Variants in NFATC3 observed in about 807,000 individuals in gnomAD.
NFATC3 encodes the protein nuclear factor of activated T cells 3, also known as nuclear factor of activated T-cells, cytoplasmic 3.
NFATC3 carries 46 observed loss-of-function variants against 98.6 expected under a neutral mutation model. That is an observed-to-expected ratio of 0.47 (90% confidence interval 0.37 to 0.60). The LOEUF (loss-of-function observed/expected upper bound fraction) is 0.60. NFATC3 is among the 20% of genes least tolerant of loss of function. NFATC3 has a pLI of 0.00. For missense variants in NFATC3, 1,256 were observed against 1,295.5 expected (o/e 0.97, Z 0.47); for synonymous variants, 512 against 472.2 (o/e 1.08, Z -1.09).
chr16:68,135,594 GGAA>G (rs1345017344), intron 3 of NFATC3, among the ~76,000 whole-genome samples: 1 of 151,598 alleles, frequency 6.6e-6, no homozygotes, highest in African/African-American at 2.4e-5. Context: ...ATCTAAATAT[GGAA>G]GAACTGTCTG....
At chr16:68,222,884 C>G (rs566796115) in intron 9 of NFATC3, among the ~76,000 whole-genome samples, 2 of 152,292 alleles carry the variant, frequency 1.3e-5, no homozygotes, top group South Asian at 4.1e-4. Flanking sequence ...TGTGCTCCCT[C>G]TTAGCACAAG....
chr16:68,123,153 T>G, intron 2 of NFATC3, 32 bp downstream of exon 2: 1 of 1,566,944 alleles, frequency 6.4e-7, no homozygotes, highest in Non-Finnish European at 8.6e-7. Flanking sequence ...CTGGTCATTT[T>G]TCATGTTTAT....
At position 68,122,376 on chromosome 16, in the gene NFATC3, A is replaced by G; in HGVS notation, c.493A>G (p.Ser165Gly). 1 of 1,614,068 alleles carries G rather than the reference A, an allele frequency of 6.2e-7. No individual in the cohort carries two copies. Among genetic ancestry groups the G allele is most frequent in the South Asian group, 1.1e-5 (1 of 91,076 alleles). Residue 165 changes from serine (S) to glycine (G), a missense_variant, in exon 2 of 10, where the codon AGT becomes GGT. This residue lies in a region of NFATC3 where 464 missense variants were observed against 465.7 expected (regional missense o/e 1.00). Transcript: ENST00000346183. ...PSYRESSLSP[S>G]PASSISSRSW... Reference sequence around the variant, plus strand: ...CTACCGGGAGTCTTCTCTTAGTCCTAGTCCTGCCAGCAGCATCTCTTCTAG... The same window carrying G: ...CTACCGGGAGTCTTCTCTTAGTCCTGGTCCTGCCAGCAGCATCTCTTCTAG...
At chr16:68,125,402 T>C (rs1375670246) in intron 2 of NFATC3, among the ~76,000 whole-genome samples, 1 of 152,210 alleles carries the variant, frequency 6.6e-6, no homozygotes, top group Non-Finnish European at 1.5e-5. Flanking sequence ...GCAATTTAAA[T>C]TGTCTTACTG....
At chr16:68,135,688 T>C (rs1416362115) in intron 3 of NFATC3, among the ~76,000 whole-genome samples, 6 of 152,288 alleles carry the variant, frequency 3.9e-5, no homozygotes, top group Middle Eastern at 6.8e-3. Flanking sequence ...AAGAGACTTT[T>C]GTAGGTCTTA....
chr16:68,204,488 A>G (rs1042779044), intron 9 of NFATC3, among the ~76,000 whole-genome samples: 1 of 152,212 alleles, frequency 6.6e-6, no homozygotes, highest in African/African-American at 2.4e-5. Flanking sequence ...TGAAATGTGA[A>G]TTATTAGTCT....
intron 1 of NFATC3, among the ~76,000 whole-genome samples, chr16:68,120,938 A>G (rs1475663635): frequency 6.6e-6 from 1 of 152,176 alleles, no homozygotes; most frequent in African/African-American, 2.4e-5. Flanking sequence ...AATTCTTAAC[A>G]CAGACTTTTT....
chr16:68,123,816 C>A (rs2036678808), intron 2 of NFATC3, among the ~76,000 whole-genome samples: 1 of 135,078 alleles, frequency 7.4e-6, no homozygotes, highest in South Asian at 2.4e-4. Context: ...AAAACCGTGT[C>A]TCTACAAAAA....
At chr16:68,137,062 G>A (rs1028705601) in intron 3 of NFATC3, among the ~76,000 whole-genome samples, 3 of 152,052 alleles carry the variant, frequency 2.0e-5, no homozygotes, top group Non-Finnish European at 2.9e-5. Flanking sequence ...TCTAAGCACA[G>A]TACTCTTAGG....
intron 9 of NFATC3, among the ~76,000 whole-genome samples, chr16:68,214,984 A>G (rs1415075142): frequency 6.6e-6 from 1 of 152,186 alleles, no homozygotes; most frequent in Non-Finnish European, 1.5e-5. Context: ...CTCAGCAGCC[A>G]AGGAGGAACG....
chr16:68,122,970 G>A lies in NFATC3; in HGVS notation c.1087G>A (p.Gly363Arg). The A allele has an allele frequency of 6.2e-7, 1 of 1,614,142 alleles. No homozygotes were observed. The highest frequency in any genetic ancestry group is 8.5e-7 in the Non-Finnish European group (1 of 1,180,024). Residue 363 changes from glycine to arginine, a missense_variant, in exon 2 of 10, where the codon GGG becomes AGG. Physicochemically the swap from Gly to Arg is moderately radical, Grantham distance 125. This residue lies in a region of NFATC3 where 464 missense variants were observed against 465.7 expected (regional missense o/e 1.00). Coordinates refer to ENST00000346183, the MANE Select transcript of NFATC3 (RefSeq NM_173165.3). ...GKLELCSDDQ[G>R]SLSPARETSI... is the part of the protein sequence containing the mutation. The stretch of plus-strand genomic sequence containing the variant: ...ATTAGAGCTGTGTTCAGATGACCAA[G>A]GGAGTTTATCACCAGCCCGGGAGAC...
At chr16:68,148,454 C>A (rs2038151195) in intron 3 of NFATC3, among the ~76,000 whole-genome samples, 1 of 152,040 alleles carries the variant, frequency 6.6e-6, no homozygotes, top group African/African-American at 2.4e-5. Flanking sequence ...TGATAGATTT[C>A]TTGACTACAT....
intron 8 of NFATC3, among the ~76,000 whole-genome samples, chr16:68,183,884 G>A (rs1386955536): frequency 6.6e-6 from 1 of 151,614 alleles, no homozygotes; most frequent in Non-Finnish European, 1.5e-5. Flanking sequence ...GTGCATTCCT[G>A]TCGTCCCAGC....
At chr16:68,151,410 T>G (rs1457009101) in intron 3 of NFATC3, among the ~76,000 whole-genome samples, 1 of 152,144 alleles carries the variant, frequency 6.6e-6, no homozygotes, top group Non-Finnish European at 1.5e-5. Flanking sequence ...AATGACATGA[T>G]TTTTTGAAAT....
At chr16:68,221,663 T>C (rs944421603) in intron 9 of NFATC3, 56 of 826,866 alleles carry the variant, frequency 6.8e-5, no homozygotes, top group Non-Finnish European at 7.8e-5. Flanking sequence ...TAGTATAATG[T>C]ATAGTTGAGT....
At chr16:68,200,925 AG>A (rs1283539496) in intron 9 of NFATC3, 1 of 152,094 alleles carries the variant, frequency 6.6e-6, no homozygotes, top group Non-Finnish European at 1.5e-5. Context: ...GAAACTGTCA[AG>A]CTGTTTTTCA....
Position 68,184,020 on chromosome 16 carries a change from A to G in NFATC3, c.2098+654A>G, listed in dbSNP as rs928885948. Among the ~76,000 whole-genome samples, 147 of 151,952 alleles carry G rather than the reference A, an allele frequency of 9.7e-4. 1 individual carries two copies. The highest frequency in any genetic ancestry group is 3.4e-3 in the African/African-American group (140 of 41,472). On this transcript the variant is annotated intron_variant, in intron 8 of 9. Transcript: ENST00000346183. The stretch of plus-strand genomic sequence containing the variant: ...ACTCCGTCACAAAAAAAAAAAAAAA[A>G]AAAAAGAAATGAGCTTTAACAGAAA...
chr16:68,112,646 G>GTTTTTTTTTTTTTTTTT (rs914607835), intron 1 of NFATC3, among the ~76,000 whole-genome samples: 2 of 97,644 alleles, frequency 2.0e-5, no homozygotes, highest in Non-Finnish European at 3.8e-5. Context: ...TTTCTTTTTC[G>GTTTTTTTTTTTTTTTTT]TTTTTTTTTT....
At chr16:68,192,332 TAGAGAGAGAG>T (rs55939323) in intron 9 of NFATC3, 4 of 134,492 alleles carry the variant, frequency 3.0e-5, no homozygotes, top group African/African-American at 1.1e-4. Context: ...TATATATATA[TAGAGAGAGAG>T]AGAGAGAGAG....
Sources: allele counts gnomAD v4.1 joint callset (sites outside exome capture counted in the v4.1 genomes callset), GRCh38; gene constraint gnomAD v4.1.1; regional missense constraint gnomAD v4.1.1; transcripts MANE v1.5; gene names NCBI Gene and HGNC (gene_info 2026-07-23, HGNC 2026-07-21).